DHX15: variants seen among roughly 807,000 people sequenced by gnomAD.
The protein encoded by DHX15 is ATP-dependent RNA helicase DHX15.
Under a neutral mutation model 94.4 loss-of-function variants are expected in DHX15, and 11 were observed. That is an observed-to-expected ratio of 0.12 (90% CI 0.07 to 0.19). The LOEUF (loss-of-function observed/expected upper bound fraction) is 0.19. Ranked by LOEUF, DHX15 falls within the 10% of genes least tolerant of loss-of-function variation. The pLI, the probability that DHX15 is intolerant of heterozygous loss-of-function variation, is 1.00. For missense variants in DHX15, 304 were observed against 988.5 expected (o/e 0.31, Z 9.29); for synonymous variants, 338 against 329.9 (o/e 1.02, Z -0.27).
intron 1 of DHX15, among the ~76,000 whole-genome samples, chr4:24,581,195 A>AT (rs1011452372): frequency 1.3e-5 from 2 of 151,762 alleles, no homozygotes; most frequent in Non-Finnish European, 2.9e-5. Context: ...CACCCGGCTA[A>AT]TTTTTTGTAT....
chr4:24,537,463 A>T lies in DHX15; in HGVS notation c.1787-290T>A. 4.4e-6 allele frequency: 1 copy of T among 228,488 alleles called. No homozygotes were observed. Among genetic ancestry groups the T allele is most frequent in the Non-Finnish European group, 8.5e-6 (1 of 117,006 alleles). The allele number at this position is 228,488 out of a possible 1,614,324, so 14.2% of individuals were successfully genotyped here. A position where few individuals can be genotyped will look rare whatever the true frequency, so the allele number is the denominator to read the frequency against. Reference sequence around the variant, plus strand: ...AGGCCATCAGGATACTAAAAAGCTCAACTTATTTAAAAAAACCAGTGCTGA... The same window carrying T: ...AGGCCATCAGGATACTAAAAAGCTCTACTTATTTAAAAAAACCAGTGCTGA... On this transcript the variant is annotated intron_variant, in intron 10 of 13. Coordinates refer to ENST00000336812, the MANE Select transcript of DHX15 (RefSeq NM_001358.3). The surrounding 1 kb of genome is among the most constrained non-coding windows in gnomAD (Gnocchi z 4.7).
At chr4:24,532,834 T>TA (rs752166556) in intron 12 of DHX15, 30 bp downstream of exon 12, 4 of 1,493,150 alleles carry the variant, frequency 2.7e-6, no homozygotes, top group East Asian at 2.3e-5. Context: ...TATGAATACT[T>TA]AGTTATTCAT....
rs543435668 is a variant in DHX15, at chr4:24,573,266, T to C, written c.508-2419A>G. Reference sequence around the variant, plus strand: ...TTTTCAGCTCTTTGCTTCCTCCACTTGAGGGCATCTTAAAACTGATCCTCG... The same window carrying C: ...TTTTCAGCTCTTTGCTTCCTCCACTCGAGGGCATCTTAAAACTGATCCTCG... On this transcript the variant is annotated intron_variant, in intron 2 of 13. Transcript: ENST00000336812. 8.5e-5 allele frequency among the ~76,000 whole-genome samples: 13 copies of C among 152,334 alleles called. No homozygotes were observed. The South Asian group carries it at 1.2e-3, about 15-fold the overall frequency.
chr4:24,535,301 T>C (rs181726016), intron 11 of DHX15, among the ~76,000 whole-genome samples: 2 of 152,352 alleles, frequency 1.3e-5, no homozygotes, highest in Admixed American at 1.3e-4. Flanking sequence ...TTATCAGAAA[T>C]AGGTCATACA....
intron 3 of DHX15, among the ~76,000 whole-genome samples, chr4:24,566,935 A>C (rs535099376): frequency 1.3e-5 from 2 of 152,308 alleles, no homozygotes; most frequent in African/African-American, 4.8e-5. Context: ...CACAATGTCA[A>C]ACTTTTTATT....
intron 2 of DHX15, among the ~76,000 whole-genome samples, chr4:24,572,886 G>C (rs970358042): frequency 2.0e-5 from 3 of 152,048 alleles, no homozygotes; most frequent in African/African-American, 7.2e-5. Flanking sequence ...TAGGCTACTG[G>C]TGTATTCAAG....
Position 24,570,927 on chromosome 4 carries a change from T to C in DHX15, c.508-80A>G, listed in dbSNP as rs990795755. On this transcript the variant is annotated intron_variant, in intron 2 of 13. Coordinates refer to ENST00000336812, the MANE Select transcript of DHX15 (RefSeq NM_001358.3). ...ATGTAACATAAAGCACTTTATCTCATTCTAATGATTTAAAACCAAATCCAA... is the reference window on the plus strand; with the variant it reads ...ATGTAACATAAAGCACTTTATCTCACTCTAATGATTTAAAACCAAATCCAA... 13 of 1,412,812 alleles carry C rather than the reference T, an allele frequency of 9.2e-6. No individual in the cohort carries two copies. In the Admixed American group the frequency reaches 2.3e-4, roughly 25 times the overall value. The allele number at this position is 1,412,812 out of a possible 1,614,324, so 87.5% of individuals were successfully genotyped here. A position where few individuals can be genotyped will look rare whatever the true frequency, so the allele number is the denominator to read the frequency against.
chr4:24,532,771 C>T (rs1721111580), intron 12 of DHX15, 93 bp downstream of exon 12: 1 of 955,570 alleles, frequency 1.0e-6, no homozygotes, highest in African/African-American at 1.6e-5. Context: ...CATGCACAAA[C>T]TCACTTTTGC....
intron 11 of DHX15, among the ~76,000 whole-genome samples, chr4:24,536,019 T>C (rs938282802): frequency 6.7e-6 from 1 of 149,896 alleles, no homozygotes; most frequent in Non-Finnish European, 1.5e-5. Flanking sequence ...AAAAAAAAAA[T>C]GTCAGATCCA....
chr4:24,552,875 C>T lies in DHX15; in HGVS notation c.1080+1850G>A, dbSNP rs114156693. 4.0e-3 allele frequency among the ~76,000 whole-genome samples: 612 copies of T among 152,346 alleles called. 4 individuals are homozygous for T. The highest frequency in any genetic ancestry group is 0.014 in the African/African-American group (569 of 41,572). ...ACCCTTCGGCTTACTCCCTTCCTTT[C>T]CCCAGCTGTGGGATTCACAGAAAAT... On this transcript the variant is annotated intron_variant, in intron 5 of 13. Transcript: ENST00000336812.
intron 5 of DHX15, among the ~76,000 whole-genome samples, chr4:24,549,344 T>G (rs546238299): frequency 1.4e-3 from 220 of 152,354 alleles, no homozygotes; most frequent in Non-Finnish European, 1.7e-3. Context: ...AATATTTAAA[T>G]GCACTCACGA....
intron 2 of DHX15, among the ~76,000 whole-genome samples, chr4:24,575,389 T>C (rs1040449404): frequency 2.4e-4 from 36 of 152,202 alleles, no homozygotes; most frequent in Admixed American, 2.3e-3. Context: ...ACTGCTACTT[T>C]TGAAACCAGA....
At chr4:24,565,829 T>C (rs996040365) in intron 3 of DHX15, among the ~76,000 whole-genome samples, 1 of 151,740 alleles carries the variant, frequency 6.6e-6, no homozygotes, top group African/African-American at 2.4e-5. Context: ...TGACGAAGAG[T>C]TGTACACAGA....
chr4:24,556,505 T>C, intron 3 of DHX15, 95 bp from the exon 4 acceptor site: 1 of 1,057,302 alleles, frequency 9.5e-7, no homozygotes. Context: ...ATAAGGTAAA[T>C]TAAAAATAAA....
At chr4:24,529,829 C>A (rs1173150227) in intron 12 of DHX15, 59 bp from the exon 13 acceptor site, 19 of 1,541,566 alleles carry the variant, frequency 1.2e-5, no homozygotes, top group Non-Finnish European at 1.7e-5. Flanking sequence ...AGTTGTAAAG[C>A]TACCTACATA....
At chr4:24,565,999 T>G (rs942727330) in intron 3 of DHX15, among the ~76,000 whole-genome samples, 1 of 152,022 alleles carries the variant, frequency 6.6e-6, no homozygotes, top group Admixed American at 6.5e-5. Flanking sequence ...CTAGAGGCTA[T>G]GCTCTAGGAT....
intron 12 of DHX15, chr4:24,530,098 G>A: frequency 2.6e-6 from 1 of 377,896 alleles, no homozygotes; most frequent in South Asian, 2.7e-5. Flanking sequence ...AGTTTTATTA[G>A]AACACAGGCA....
Position 24,584,536 on chromosome 4 carries a change from A to C in DHX15, c.-143T>G. On this transcript the variant is annotated 5_prime_UTR_variant, in exon 1 of 14. Coordinates refer to ENST00000336812, the MANE Select transcript of DHX15 (RefSeq NM_001358.3). Reference sequence around the variant, plus strand: ...ACGGTGCGGCCGGAACCAACAGCTAAAATGGCGGCGGCGACGAGGGCTGGG... The same window carrying C: ...ACGGTGCGGCCGGAACCAACAGCTACAATGGCGGCGGCGACGAGGGCTGGG... 6 of 777,524 alleles carry C rather than the reference A, an allele frequency of 7.7e-6. No homozygotes were observed. Among genetic ancestry groups the C allele is most frequent in the Non-Finnish European group, 1.2e-5 (6 of 520,950 alleles). 48.2% of individuals were successfully genotyped at this position (777,524 alleles called of 1,614,324 possible). A position where few individuals can be genotyped will look rare whatever the true frequency, so the allele number is the denominator to read the frequency against.
At chr4:24,533,977 A>G (rs947322848) in intron 11 of DHX15, 2 of 152,250 alleles carry the variant, frequency 1.3e-5, no homozygotes, top group East Asian at 1.9e-4. Context: ...GTTATAGTGT[A>G]TAACTCTGCC....
Sources: allele counts gnomAD v4.1 joint callset (sites outside exome capture counted in the v4.1 genomes callset), GRCh38; gene constraint gnomAD v4.1.1; non-coding constraint Gnocchi (gnomAD v3.1); transcripts MANE v1.5; gene names NCBI Gene and HGNC (gene_info 2026-07-23, HGNC 2026-07-21).